The following ATCAY variants were observed in gnomAD, a reference collection of about 807,000 sequenced individuals.
The protein encoded by ATCAY is ATCAY kinesin light chain interacting caytaxin.
A neutral mutation model predicts 47.7 loss-of-function variants in ATCAY; 22 were observed. That is an observed-to-expected ratio of 0.46 (90% confidence interval 0.33 to 0.66). The LOEUF (loss-of-function observed/expected upper bound fraction) is 0.66, where lower values mean the gene tolerates loss of function less well. Among genes scored for constraint, ATCAY ranks in the 30% least tolerant of loss-of-function variants. The probability of loss-of-function intolerance (pLI) is 0.02; values close to 1 mark genes in which losing one functional copy is unlikely to be tolerated. For missense variants in ATCAY, 452 were observed against 515.0 expected (o/e 0.88, Z 1.18); for synonymous variants, 216 against 207.6 (o/e 1.04, Z -0.35).
intron 3 of ATCAY, among the ~76,000 whole-genome samples, 198 bp from the exon 4 acceptor site, chr19:3,905,236 A>G (rs1358692607): frequency 6.6e-6 from 1 of 152,088 alleles, no homozygotes; most frequent in African/African-American, 2.4e-5. Context: ...CCCACAGGAC[A>G]GAGGTTATAA....
At chr19:3,883,122 C>T (rs2038617033) in intron 1 of ATCAY, among the ~76,000 whole-genome samples, 1 of 152,066 alleles carries the variant, frequency 6.6e-6, no homozygotes, top group Non-Finnish European at 1.5e-5. Flanking sequence ...TGGCTCACAC[C>T]TGTAATCCCA....
intron 11 of ATCAY, among the ~76,000 whole-genome samples, chr19:3,919,856 C>A (rs1363570626): frequency 6.6e-6 from 1 of 152,118 alleles, no homozygotes; most frequent in African/African-American, 2.4e-5. Flanking sequence ...CAGGTAGATT[C>A]AGACTCCCCC....
chr19:3,884,123 C>T (rs2038626264), intron 1 of ATCAY, among the ~76,000 whole-genome samples: 1 of 151,914 alleles, frequency 6.6e-6, no homozygotes, highest in Non-Finnish European at 1.5e-5. Flanking sequence ...GGGTGACATA[C>T]CAAGATCAGA....
chr19:3,895,059 C>T (rs1026360710), intron 2 of ATCAY: 2 of 447,020 alleles, frequency 4.5e-6, no homozygotes, highest in Admixed American at 2.4e-5. Flanking sequence ...TTTTCTTTGC[C>T]GTAAGCATCA....
At chr19:3,887,616 A>G (rs2038670788) in intron 2 of ATCAY, among the ~76,000 whole-genome samples, 1 of 150,698 alleles carries the variant, frequency 6.6e-6, no homozygotes, top group Non-Finnish European at 1.5e-5. Context: ...CCTCCCGAGT[A>G]GCTGGGACTA....
At position 3,907,854 on chromosome 19, in the gene ATCAY, G is replaced by A; in HGVS notation, c.479G>A (p.Gly160Glu). ...NGRLWRTVII[G>E]EQEHRIDLHM... ...CGCCTGTGGCGGACAGTGATCATCG[G>A]GGAGCAAGAGCACCGTATAGACCTG... Residue 160 changes from glycine (G) to glutamate (E), a missense_variant, in exon 5 of 13, where the codon GGG becomes GAG. Coordinates refer to ENST00000450849, the MANE Select transcript of ATCAY (RefSeq NM_033064.5). This position sits in a 1 kb window ranked among gnomAD's most constrained non-coding sequence, Gnocchi z 5.1. The A allele has an allele frequency of 9.3e-6, 15 of 1,613,956 alleles. No homozygotes were observed. Among genetic ancestry groups the A allele is most frequent in the Non-Finnish European group, 1.3e-5 (15 of 1,179,858 alleles).
intron 10 of ATCAY, among the ~76,000 whole-genome samples, chr19:3,918,394 A>T (rs911297354): frequency 1.3e-5 from 2 of 151,838 alleles, no homozygotes; most frequent in African/African-American, 4.8e-5. Flanking sequence ...CAAAAAAAAA[A>T]AAAAATAAAT....
intron 2 of ATCAY, among the ~76,000 whole-genome samples, chr19:3,899,730 C>T (rs2038799800): frequency 6.6e-6 from 1 of 152,134 alleles, no homozygotes; most frequent in Non-Finnish European, 1.5e-5. Flanking sequence ...AAGCTGTAGC[C>T]TGGCTTTCCG....
intron 1 of ATCAY, 105 bp from the exon 2 acceptor site, chr19:3,885,622 G>C: frequency 3.3e-6 from 2 of 612,010 alleles, no homozygotes; most frequent in Non-Finnish European, 5.9e-6. Flanking sequence ...GGAAGGGGGA[G>C]GGGGAGACGG....
At chr19:3,899,576 A>C (rs2038797768) in intron 2 of ATCAY, among the ~76,000 whole-genome samples, 1 of 152,062 alleles carries the variant, frequency 6.6e-6, no homozygotes, top group African/African-American at 2.4e-5. Flanking sequence ...CGGCCTCCCT[A>C]AGTGCCAGGA....
At chr19:3,918,615 A>C (rs1291283263) in intron 10 of ATCAY, among the ~76,000 whole-genome samples, 191 bp from the exon 11 acceptor site, 1 of 152,064 alleles carries the variant, frequency 6.6e-6, no homozygotes, top group Non-Finnish European at 1.5e-5. Flanking sequence ...GCTTTGAGGG[A>C]AACAGAGGCA....
At chr19:3,895,716 C>CTTTTTTTTT (rs537910730) in intron 2 of ATCAY, among the ~76,000 whole-genome samples, 15 of 129,660 alleles carry the variant, frequency 1.2e-4, no homozygotes, top group Admixed American at 3.2e-4. Flanking sequence ...CTTTTCTTTT[C>CTTTTTTTTT]TTTTTTTTTT....
intron 1 of ATCAY, among the ~76,000 whole-genome samples, chr19:3,882,385 A>G (rs923638975): frequency 1.3e-5 from 2 of 152,002 alleles, no homozygotes; most frequent in East Asian, 1.9e-4. Context: ...TGGCATGATC[A>G]TAGCTCACTG....
At chr19:3,913,211 C>T (rs924478805) in intron 8 of ATCAY, among the ~76,000 whole-genome samples, 8 of 151,888 alleles carry the variant, frequency 5.3e-5, no homozygotes, top group African/African-American at 1.5e-4. Flanking sequence ...TCGCTTGAAC[C>T]GGGGAGGCGG....
chr19:3,898,671 C>T (rs2038789310), intron 2 of ATCAY, among the ~76,000 whole-genome samples: 1 of 152,016 alleles, frequency 6.6e-6, no homozygotes, highest in Non-Finnish European at 1.5e-5. Flanking sequence ...TGTTAATGGA[C>T]TGGTGTTGTT....
chr19:3,903,580 G>A (rs1207808987), intron 3 of ATCAY, among the ~76,000 whole-genome samples: 1 of 151,644 alleles, frequency 6.6e-6, no homozygotes, highest in Non-Finnish European at 1.5e-5. Flanking sequence ...CTGGAGTGCA[G>A]TAGCGTGATC....
intron 2 of ATCAY, among the ~76,000 whole-genome samples, chr19:3,890,543 G>A (rs935590278): frequency 2.0e-5 from 3 of 151,968 alleles, no homozygotes; most frequent in Admixed American, 6.6e-5. Flanking sequence ...GATTACAGGC[G>A]CAAGCCACCA....
intron 2 of ATCAY, among the ~76,000 whole-genome samples, chr19:3,897,671 G>A (rs1248763571): frequency 6.6e-6 from 1 of 152,034 alleles, no homozygotes; most frequent in African/African-American, 2.4e-5. Flanking sequence ...ACTTTGGGAG[G>A]CCGAGGCAGG....
At chr19:3,913,054 G>A (rs1464190018) in intron 8 of ATCAY, among the ~76,000 whole-genome samples, 1 of 152,162 alleles carries the variant, frequency 6.6e-6, no homozygotes, top group Non-Finnish European at 1.5e-5. Flanking sequence ...TTGGGAGTTA[G>A]AGGCAGGCAG....
Sources: gnomAD v4.1 joint callset for allele counts (sites outside exome capture counted in the v4.1 genomes callset) on GRCh38, gnomAD v4.1.1 for gene constraint, Gnocchi (gnomAD v3.1) non-coding constraint, MANE v1.5 for transcripts, NCBI Gene and HGNC (gene_info 2026-07-23, HGNC 2026-07-21) for gene names.